GAD1: variants seen among roughly 807,000 people sequenced by gnomAD.
GAD1 encodes the protein 67 kDa glutamic acid decarboxylase.
Under a neutral mutation model 75.2 loss-of-function variants are expected in GAD1, and 35 were observed. The ratio of observed to expected loss-of-function variants is 0.47; its 90% CI spans 0.36 to 0.62. GAD1 has a LOEUF of 0.62. Ranked by LOEUF, GAD1 falls within the 20% of genes least tolerant of loss-of-function variation. GAD1 has a pLI of 0.00. For missense variants in GAD1, 490 were observed against 758.5 expected (o/e 0.65, Z 4.16); for synonymous variants, 257 against 271.9 (o/e 0.95, Z 0.54).
rs189128326 is a variant in GAD1 at position 170,837,460 on chromosome 2, T to C, written c.638+577T>C. ...CTTTGTTTCTAAGTTCTTGAAAATT[T>C]ACACAAAACTGACTCTGAGGTCCTG... On this transcript the variant is annotated intron_variant, in intron 6 of 16. Coordinates refer to ENST00000358196, the MANE Select transcript of GAD1 (RefSeq NM_000817.3). Among the ~76,000 whole-genome samples the C allele has an allele frequency of 5.2e-5, 8 of 152,382 alleles. No individual in the cohort carries two copies. In the East Asian group the frequency reaches 1.5e-3, roughly 29 times the overall value.
intron 10 of GAD1, among the ~76,000 whole-genome samples, chr2:170,847,312 A>G (rs1033195310): frequency 1.3e-5 from 2 of 152,184 alleles, no homozygotes; most frequent in African/African-American, 2.4e-5. Context: ...ATTTTTTGCC[A>G]TAGAAATTAT....
In GAD1 at chr2:170,818,609, A is replaced by G; in HGVS notation, c.18A>G (p.Pro6=). 1 of 1,613,930 alleles carries G rather than the reference A, an allele frequency of 6.2e-7. No individual in the cohort carries two copies. The highest frequency in any genetic ancestry group is 8.5e-7 in the Non-Finnish European group (1 of 1,179,980). The part of the protein sequence containing the change: MASST[P]SSSATSSNAG... ...CCGAGCTGATGGCGTCTTCGACCCCATCTTCGTCCGCAACCTCCTCGAACG... is the reference window on the plus strand; with the variant it reads ...CCGAGCTGATGGCGTCTTCGACCCCGTCTTCGTCCGCAACCTCCTCGAACG... Residue 6 remains proline (P), a synonymous_variant, in exon 2 of 17, where the codon CCA becomes CCG. Coordinates refer to ENST00000358196, the MANE Select transcript of GAD1 (RefSeq NM_000817.3). This position sits in a 1 kb window ranked among gnomAD's most constrained non-coding sequence, Gnocchi z 5.9.
chr2:170,842,064 C>A (rs1702529421), intron 6 of GAD1, among the ~76,000 whole-genome samples: 1 of 152,206 alleles, frequency 6.6e-6, no homozygotes, highest in African/African-American at 2.4e-5. Context: ...ATCAGTTAAG[C>A]TCATGATAAA....
Position 170,836,840 on chromosome 2 carries a change from G to A in GAD1, c.595G>A (p.Gly199Ser). 6.2e-7 allele frequency: 1 copy of A among 1,613,990 alleles called. No individual in the cohort carries two copies. The highest frequency in any genetic ancestry group is 8.5e-7 in the Non-Finnish European group (1 of 1,179,918). ...GCTCTCCACTGGATTGGATATTATTGGCCTAGCTGGAGAATGGCTGACATC... is the reference window on the plus strand; with the variant it reads ...GCTCTCCACTGGATTGGATATTATTAGCCTAGCTGGAGAATGGCTGACATC... The part of the protein sequence containing the change: ...NQLSTGLDII[G>S]LAGEWLTSTA... The change falls in exon 6 of 17, where the codon GGC becomes AGC. Residue 199 changes from glycine (G) to serine (S), a missense_variant. Transcript: ENST00000358196.
chr2:170,852,855 C>A, intron 13 of GAD1, 63 bp downstream of exon 13: 2 of 1,394,564 alleles, frequency 1.4e-6, no homozygotes, highest in South Asian at 1.2e-5. Context: ...CAAAAAGACA[C>A]ACGTGGGGTC....
At chr2:170,822,410 G>T (rs1559268122) in intron 3 of GAD1, among the ~76,000 whole-genome samples, 1 of 152,220 alleles carries the variant, frequency 6.6e-6, no homozygotes, top group Non-Finnish European at 1.5e-5. Flanking sequence ...CGGGTGCCCT[G>T]CCTGGGCGCA....
chr2:170,831,594 A>ATGTGTGTGTGTGTGTGTG (rs370649454), intron 5 of GAD1, among the ~76,000 whole-genome samples: 14 of 122,788 alleles, frequency 1.1e-4, no homozygotes, highest in South Asian at 5.7e-4. Flanking sequence ...GTCTCTACAT[A>ATGTGTGTGTGTGTGTGTG]TGTGTGTGTG....
chr2:170,844,412 T>C (rs979477829), intron 7 of GAD1, among the ~76,000 whole-genome samples: 18 of 147,610 alleles, frequency 1.2e-4, no homozygotes, highest in South Asian at 6.6e-4. Flanking sequence ...TTTTTCTTTT[T>C]TTTTTTTTTT....
chr2:170,834,047 A>C (rs893573457), intron 5 of GAD1, among the ~76,000 whole-genome samples: 1 of 151,898 alleles, frequency 6.6e-6, no homozygotes, highest in South Asian at 2.1e-4. Flanking sequence ...GACTTTCATT[A>C]GTCCAGTGTA....
At chr2:170,821,493 C>A (rs2105755893) in intron 2 of GAD1, among the ~76,000 whole-genome samples, 1 of 152,298 alleles carries the variant, frequency 6.6e-6, no homozygotes, top group Middle Eastern at 3.4e-3. Context: ...TTCCCCACTC[C>A]CCGGTCTGAC....
rs755691920 is a variant in GAD1, at chr2:170,852,698, CAT to C, written c.1185-15_1185-14del. 2 of 1,612,828 alleles carry C rather than the reference CAT, an allele frequency of 1.2e-6. No homozygotes were observed. Among genetic ancestry groups the C allele is most frequent in the South Asian group, 2.2e-5 (2 of 91,054 alleles). On this transcript the variant is annotated splice_polypyrimidine_tract_variant and intron_variant, in intron 12 of 16. Coordinates refer to ENST00000358196, the MANE Select transcript of GAD1 (RefSeq NM_000817.3). ...CAACTCCTGCACCTTCTCGAAGTCTCATGTGCTTCTTTCAGGGCCAACTCAGT... is the reference window on the plus strand; with the variant it reads ...CAACTCCTGCACCTTCTCGAAGTCTCGTGCTTCTTTCAGGGCCAACTCAGT...
intron 3 of GAD1, among the ~76,000 whole-genome samples, chr2:170,823,276 C>G (rs2105760040): frequency 6.6e-6 from 1 of 152,356 alleles, no homozygotes. Context: ...CGCCCGCCGC[C>G]TGGGTGCTCT....
At chr2:170,832,821 C>G (rs1407403871) in intron 5 of GAD1, among the ~76,000 whole-genome samples, 1 of 152,220 alleles carries the variant, frequency 6.6e-6, no homozygotes, top group Non-Finnish European at 1.5e-5. Context: ...TCCAGGAGCT[C>G]TCTCTAATCA....
At chr2:170,841,580 A>T (rs1702518206) in intron 6 of GAD1, among the ~76,000 whole-genome samples, 1 of 152,240 alleles carries the variant, frequency 6.6e-6, no homozygotes, top group African/African-American at 2.4e-5. Flanking sequence ...AAATTTTTAA[A>T]AACTGCTTTG....
rs1229515956 is a variant in GAD1 at position 170,829,353 on chromosome 2, ACACT to A, written c.146-117_146-114del. 17 of 1,137,716 alleles carry A rather than the reference ACACT, an allele frequency of 1.5e-5. No individual in the cohort carries two copies. The African/African-American group carries it at 1.7e-4, about 11-fold the overall frequency. 70.5% of individuals were successfully genotyped at this position (1,137,716 alleles called of 1,614,324 possible). On this transcript the variant is annotated intron_variant, in intron 3 of 16. Coordinates refer to ENST00000358196, the MANE Select transcript of GAD1 (RefSeq NM_000817.3). ...CAGAGCCACTGTATTTAAAACACAG[ACACT>A]CACTTCTTTTCTCAGGAGAAACAAG...
intron 5 of GAD1, among the ~76,000 whole-genome samples, chr2:170,835,979 G>A (rs1702361310): frequency 6.6e-6 from 1 of 152,108 alleles, no homozygotes; most frequent in African/African-American, 2.4e-5. Flanking sequence ...GCAGAGACTG[G>A]TATCTTCTGA....
intron 6 of GAD1, among the ~76,000 whole-genome samples, chr2:170,838,465 A>G (rs549712934): frequency 1.8e-4 from 27 of 152,338 alleles, no homozygotes; most frequent in African/African-American, 6.3e-4. Context: ...TAGGAAATAT[A>G]GTTGTTGTTT....
At chr2:170,854,416 T>TTC in intron 14 of GAD1, among the ~76,000 whole-genome samples, 1 of 149,108 alleles carries the variant, frequency 6.7e-6, no homozygotes, top group Non-Finnish European at 1.5e-5. Flanking sequence ...TTTTTTTTTT[T>TTC]TTGAGATGGA....
chr2:170,831,440 T>C (rs1575431891), intron 5 of GAD1, among the ~76,000 whole-genome samples: 1 of 151,980 alleles, frequency 6.6e-6, no homozygotes, highest in Non-Finnish European at 1.5e-5. Context: ...TGCTTGGTGC[T>C]AGGTCAAGTT....
Sources: gnomAD v4.1 joint callset for allele counts (sites outside exome capture counted in the v4.1 genomes callset) on GRCh38, gnomAD v4.1.1 for gene constraint, Gnocchi (gnomAD v3.1) non-coding constraint, MANE v1.5 for transcripts, NCBI Gene and HGNC (gene_info 2026-07-23, HGNC 2026-07-21) for gene names.